Variants in TAF1B observed in about 807,000 individuals in gnomAD.
TAF1B encodes TATA box-binding protein-associated factor RNA polymerase I subunit B.
Under a neutral mutation model 83.9 loss-of-function variants are expected in TAF1B, and 61 were observed. The observed-to-expected ratio is 0.73, with a 90% CI of 0.59 to 0.90. TAF1B has a LOEUF of 0.90. TAF1B is among the 40% of genes least tolerant of loss of function. TAF1B has a pLI of 0.00. For synonymous variants in TAF1B, 221 were observed against 224.6 expected, an observed-to-expected ratio of 0.98 and a Z score of 0.14; for missense variants, 625 against 677.0, an observed-to-expected ratio of 0.92 and a Z score of 0.85.
intron 8 of TAF1B, among the ~76,000 whole-genome samples, chr2:9,894,732 A>G (rs1442425461): frequency 6.9e-6 from 1 of 144,928 alleles, no homozygotes; most frequent in East Asian, 2.0e-4. Context: ...CCAGGAGGAG[A>G]GAATGGGAAC....
At chr2:9,870,992 G>C (rs1020221510) in intron 6 of TAF1B, among the ~76,000 whole-genome samples, 1 of 152,054 alleles carries the variant, frequency 6.6e-6, no homozygotes, top group East Asian at 1.9e-4. Context: ...TCTTCTGGAA[G>C]AAGTCTCCCT....
At chr2:9,873,914 G>A (rs12617615) in intron 6 of TAF1B, among the ~76,000 whole-genome samples, 36,670 of 151,818 alleles carry the variant, frequency 0.24, 4,995 homozygotes, top group East Asian at 0.31. Context: ...TCCCTCAGCA[G>A]CTGGAGTGAC....
At chr2:9,880,526 A>G (rs1433136698) in intron 7 of TAF1B, among the ~76,000 whole-genome samples, 3 of 147,952 alleles carry the variant, frequency 2.0e-5, no homozygotes, top group Non-Finnish European at 4.5e-5. Flanking sequence ...AGAACTCCAG[A>G]TGCCGAAGAC....
chr2:9,883,864 A>G (rs535295998), intron 8 of TAF1B, among the ~76,000 whole-genome samples: 1 of 152,350 alleles, frequency 6.6e-6, no homozygotes, highest in South Asian at 2.1e-4. Flanking sequence ...ATCAAAGGCA[A>G]TAGGAAGGAT....
chr2:9,926,733 G>C lies in TAF1B; in HGVS notation c.1565+6913G>C, dbSNP rs34005521. Among the ~76,000 whole-genome samples, 1,448 of 151,696 alleles carry C rather than the reference G, an allele frequency of 9.5e-3. 11 individuals are homozygous for C. The highest frequency in any genetic ancestry group is 0.016 in the Non-Finnish European group (1,118 of 67,908). On this transcript the variant is annotated intron_variant, in intron 14 of 14. Transcript: ENST00000263663. The stretch of plus-strand genomic sequence containing the variant: ...GCATGCCTGTAGTCCCAGCTACTTG[G>C]GGGGCTGAGGCAGGAGAATCACTTG...
intron 14 of TAF1B, among the ~76,000 whole-genome samples, chr2:9,928,750 A>C (rs1666121317): frequency 1.3e-5 from 2 of 152,208 alleles, no homozygotes; most frequent in African/African-American, 4.8e-5. Context: ...CAGCTTAAGG[A>C]GATTTTGGGC....
rs1404207824 is a variant in TAF1B, at chr2:9,914,992, C to G, written c.1271+1743C>G. Among the ~76,000 whole-genome samples, 1 of 152,186 alleles carries G rather than the reference C, an allele frequency of 6.6e-6. No homozygotes were observed. Among genetic ancestry groups the G allele is most frequent in the Non-Finnish European group, 1.5e-5 (1 of 68,022 alleles). On this transcript the variant is annotated intron_variant, in intron 12 of 14. Transcript: ENST00000263663. The surrounding 1 kb of genome is among the most constrained non-coding windows in gnomAD (Gnocchi z 4.3). ...TGTTGTCAGATGAAAATTATTAAAACATTTTCTATATCTGAGCATGGGTTC... is the reference window on the plus strand; with the variant it reads ...TGTTGTCAGATGAAAATTATTAAAAGATTTTCTATATCTGAGCATGGGTTC...
intron 5 of TAF1B, among the ~76,000 whole-genome samples, 157 bp downstream of exon 5, chr2:9,854,578 C>G (rs1663499479): frequency 6.6e-6 from 1 of 152,150 alleles, no homozygotes; most frequent in Non-Finnish European, 1.5e-5. Flanking sequence ...GACGGGGTCA[C>G]TGATTTAAAC....
At chr2:9,859,336 C>A (rs1414859764) in intron 5 of TAF1B, among the ~76,000 whole-genome samples, 2 of 151,980 alleles carry the variant, frequency 1.3e-5, no homozygotes, top group Non-Finnish European at 2.9e-5. Context: ...TTCCTCATCT[C>A]CATCTGAAAC....
At chr2:9,859,347 C>T (rs1240114667) in intron 5 of TAF1B, among the ~76,000 whole-genome samples, 1 of 151,654 alleles carries the variant, frequency 6.6e-6, no homozygotes, top group Non-Finnish European at 1.5e-5. Context: ...CATCTGAAAC[C>T]ACTTCAGCCT....
chr2:9,905,833 A>G (rs1216320026), intron 9 of TAF1B, among the ~76,000 whole-genome samples: 1 of 103,514 alleles, frequency 9.7e-6, no homozygotes, highest in African/African-American at 2.6e-5. Context: ...GTAGTAACAT[A>G]TATAAATGTA....
intron 5 of TAF1B, among the ~76,000 whole-genome samples, chr2:9,864,765 G>A (rs1360626904): frequency 6.6e-6 from 1 of 151,964 alleles, no homozygotes; most frequent in African/African-American, 2.4e-5. Flanking sequence ...TTCATCCCTG[G>A]GATGCAAGGC....
intron 12 of TAF1B, among the ~76,000 whole-genome samples, chr2:9,917,138 G>A (rs1463701430): frequency 1.3e-5 from 2 of 152,010 alleles, no homozygotes; most frequent in Non-Finnish European, 2.9e-5. Context: ...GAGCCACTGC[G>A]CCCGACTCCT....
intron 8 of TAF1B, among the ~76,000 whole-genome samples, chr2:9,893,296 A>G (rs1428834360): frequency 6.6e-6 from 1 of 152,166 alleles, no homozygotes; most frequent in East Asian, 1.9e-4. Flanking sequence ...ATTGATTATA[A>G]GTTATATCCA....
chr2:9,870,320 A>G (rs539986311), intron 6 of TAF1B, among the ~76,000 whole-genome samples: 1 of 152,144 alleles, frequency 6.6e-6, no homozygotes, highest in Non-Finnish European at 1.5e-5. Context: ...TGAGACCTCC[A>G]TCTCTCAAAA....
chr2:9,930,754 A>T (rs1666186575), intron 14 of TAF1B, among the ~76,000 whole-genome samples: 2 of 152,212 alleles, frequency 1.3e-5, no homozygotes, highest in South Asian at 4.1e-4. Flanking sequence ...AATCTGTCTA[A>T]TACTGACAGT....
chr2:9,890,289 G>C (rs927795342), intron 8 of TAF1B, among the ~76,000 whole-genome samples: 1 of 152,148 alleles, frequency 6.6e-6, no homozygotes, highest in Non-Finnish European at 1.5e-5. Flanking sequence ...ATTTTTTCCA[G>C]TTCTCTGTTG....
At chr2:9,904,173 G>T (rs1665274078) in intron 8 of TAF1B, among the ~76,000 whole-genome samples, 1 of 152,000 alleles carries the variant, frequency 6.6e-6, no homozygotes, top group South Asian at 2.1e-4. Flanking sequence ...TTGTTACATG[G>T]GTAAATTGAG....
rs375232148 is a variant in TAF1B, at chr2:9,905,044, A to G, written c.955+38A>G. On this transcript the variant is annotated intron_variant, in intron 9 of 14. Coordinates refer to ENST00000263663, the MANE Select transcript of TAF1B (RefSeq NM_005680.3). ...CATATATTGTGGGGACACTTTAACT[A>G]GTAGAGTAATAATAAGCAGAGTATA... is the stretch of plus-strand genomic sequence containing the variant. 117 of 1,558,100 alleles carry G rather than the reference A, an allele frequency of 7.5e-5. 1 individual carries two copies. The highest frequency in any genetic ancestry group is 9.7e-5 in the Non-Finnish European group (110 of 1,135,080).
Sources: allele counts gnomAD v4.1 joint callset (sites outside exome capture counted in the v4.1 genomes callset), GRCh38; gene constraint gnomAD v4.1.1; non-coding constraint Gnocchi (gnomAD v3.1); transcripts MANE v1.5; gene names NCBI Gene and HGNC (gene_info 2026-07-23, HGNC 2026-07-21).